The following STAG1 variants were observed in gnomAD, a reference collection of about 807,000 sequenced individuals.
STAG1 encodes the protein cohesin subunit SA-1.
Under a neutral mutation model 170.9 loss-of-function variants are expected in STAG1, and 26 were observed. That is an observed-to-expected ratio of 0.15 (90% CI 0.11 to 0.21). STAG1 has a LOEUF of 0.21. STAG1 is among the 10% of genes least tolerant of loss of function. The pLI is 1.00. For missense variants in STAG1, 964 were observed against 1,509.5 expected, an observed-to-expected ratio of 0.64 and a Z score of 5.99; for synonymous variants, 514 against 497.7, an observed-to-expected ratio of 1.03 and a Z score of -0.44.
At chr3:136,683,991 T>C (rs1212665724) in intron 1 of STAG1, among the ~76,000 whole-genome samples, 1 of 152,162 alleles carries the variant, frequency 6.6e-6, no homozygotes. Flanking sequence ...ACAAGATATA[T>C]ATGAGGAAAT....
At chr3:136,474,696 G>A (rs926412765) in intron 10 of STAG1, among the ~76,000 whole-genome samples, 1 of 152,168 alleles carries the variant, frequency 6.6e-6, no homozygotes, top group Non-Finnish European at 1.5e-5. Flanking sequence ...ATATTTGTTG[G>A]TAAGTCCCTA....
intron 5 of STAG1, among the ~76,000 whole-genome samples, chr3:136,556,767 G>A (rs1158013359): frequency 1.3e-5 from 2 of 151,824 alleles, no homozygotes; most frequent in Non-Finnish European, 2.9e-5. Flanking sequence ...ATTTTTTGTA[G>A]AGGCAGGGTT....
intron 9 of STAG1, among the ~76,000 whole-genome samples, chr3:136,496,667 A>G (rs1933116363): frequency 6.6e-6 from 1 of 152,204 alleles, no homozygotes; most frequent in Non-Finnish European, 1.5e-5. Flanking sequence ...AAAAATTTAT[A>G]GGAGTAAATT....
At chr3:136,373,316 T>G (rs1937448728) in intron 23 of STAG1, among the ~76,000 whole-genome samples, 1 of 152,180 alleles carries the variant, frequency 6.6e-6, no homozygotes, top group Admixed American at 6.5e-5. Context: ...GATTCATTGA[T>G]TTTTTGAAGG....
chr3:136,438,384 C>A (rs888706704), intron 15 of STAG1, among the ~76,000 whole-genome samples: 1 of 151,934 alleles, frequency 6.6e-6, no homozygotes, highest in African/African-American at 2.4e-5. Flanking sequence ...CCACCACACT[C>A]AGCTAACATT....
chr3:136,740,217 C>T (rs112191229), intron 1 of STAG1, among the ~76,000 whole-genome samples: 178 of 152,010 alleles, frequency 1.2e-3, no homozygotes, highest in African/African-American at 2.5e-3. Context: ...CACTCCAGCC[C>T]GGGCAACAAA....
At chr3:136,514,045 G>T (rs1449400567) in intron 7 of STAG1, among the ~76,000 whole-genome samples, 3 of 152,146 alleles carry the variant, frequency 2.0e-5, no homozygotes, top group African/African-American at 4.8e-5. Context: ...ATAGTCATAA[G>T]ATGGTACCAT....
chr3:136,578,149 T>C (rs1937516803), intron 4 of STAG1, among the ~76,000 whole-genome samples: 1 of 152,218 alleles, frequency 6.6e-6, no homozygotes, highest in Non-Finnish European at 1.5e-5. Flanking sequence ...CTTACTCTTT[T>C]TTGTAAGCCA....
chr3:136,364,841 A>T (rs2108288908), intron 25 of STAG1, among the ~76,000 whole-genome samples: 1 of 152,338 alleles, frequency 6.6e-6, no homozygotes, highest in East Asian at 1.9e-4. Context: ...TCAAAATCTC[A>T]AAAAGATAGG....
At chr3:136,396,805 C>T (rs1191468548) in intron 22 of STAG1, among the ~76,000 whole-genome samples, 3 of 152,040 alleles carry the variant, frequency 2.0e-5, no homozygotes, top group Admixed American at 2.0e-4. Flanking sequence ...GGATTACAGG[C>T]GCGAGCCACC....
chr3:136,401,954 G>T (rs918312977), intron 21 of STAG1, among the ~76,000 whole-genome samples: 3 of 151,870 alleles, frequency 2.0e-5, no homozygotes, highest in Admixed American at 2.0e-4. Flanking sequence ...ATGTTGGTCA[G>T]GCTGGTCTCT....
At chr3:136,602,405 G>C (rs941944981) in intron 4 of STAG1, among the ~76,000 whole-genome samples, 57 of 150,664 alleles carry the variant, frequency 3.8e-4, no homozygotes, top group Non-Finnish European at 1.8e-4. Flanking sequence ...AAGAGAGAGA[G>C]AGAAGAAAAA....
intron 4 of STAG1, among the ~76,000 whole-genome samples, chr3:136,581,110 C>G (rs1937582386): frequency 6.6e-6 from 1 of 152,094 alleles, no homozygotes; most frequent in African/African-American, 2.4e-5. Context: ...CTCAGCCTCC[C>G]AAAGTGCTGG....
intron 1 of STAG1, among the ~76,000 whole-genome samples, chr3:136,711,923 T>C (rs184585355): frequency 6.6e-6 from 1 of 152,154 alleles, no homozygotes; most frequent in South Asian, 2.1e-4. Context: ...AATAACTCCA[T>C]TACCTCCAAG....
chr3:136,721,768 C>T (rs991997843), intron 1 of STAG1, among the ~76,000 whole-genome samples: 1 of 151,868 alleles, frequency 6.6e-6, no homozygotes, highest in Admixed American at 6.6e-5. Context: ...ACTAAAAATA[C>T]AAAAAATTAG....
intron 1 of STAG1, among the ~76,000 whole-genome samples, chr3:136,668,179 G>T (rs938453666): frequency 6.6e-6 from 1 of 151,270 alleles, no homozygotes; most frequent in Non-Finnish European, 1.5e-5. Flanking sequence ...GTTGCAATGA[G>T]GCGAGATCAT....
At chr3:136,707,312 C>T (rs754308775) in intron 1 of STAG1, among the ~76,000 whole-genome samples, 1 of 152,148 alleles carries the variant, frequency 6.6e-6, no homozygotes, top group Non-Finnish European at 1.5e-5. Context: ...AGTATCCAGA[C>T]TACATAAAGA....
intron 1 of STAG1, among the ~76,000 whole-genome samples, chr3:136,638,005 G>A (rs971599294): frequency 6.6e-6 from 1 of 151,934 alleles, no homozygotes; most frequent in Non-Finnish European, 1.5e-5. Flanking sequence ...CAACTCCTGG[G>A]CCCAAGTGAT....
chr3:136,455,285 T>A (rs2089076186), intron 13 of STAG1, among the ~76,000 whole-genome samples: 1 of 152,146 alleles, frequency 6.6e-6, no homozygotes, highest in Non-Finnish European at 1.5e-5. Context: ...GCTAGAACTC[T>A]GAAGAGAAGT....
Sources: gnomAD v4.1 joint callset for allele counts (sites outside exome capture counted in the v4.1 genomes callset) on GRCh38, gnomAD v4.1.1 for gene constraint, MANE v1.5 for transcripts, NCBI Gene and HGNC (gene_info 2026-07-23, HGNC 2026-07-21) for gene names.